The following MTHFD1 variants were observed in gnomAD, a reference collection of about 807,000 sequenced individuals.
MTHFD1 encodes methylenetetrahydrofolate dehydrogenase, cyclohydrolase and formyltetrahydrofolate synthetase 1.
Under a neutral mutation model 110.3 loss-of-function variants are expected in MTHFD1, and 44 were observed. The observed-to-expected ratio is 0.40, with a 90% confidence interval of 0.31 to 0.51. The LOEUF (loss-of-function observed/expected upper bound fraction) is 0.51. MTHFD1 is among the 20% of genes least tolerant of loss of function. The pLI, the probability that MTHFD1 is intolerant of heterozygous loss-of-function variation, is 0.60. For synonymous variants in MTHFD1, 402 were observed against 428.8 expected (o/e 0.94, Z 0.77); for missense variants, 909 against 1,173.1 (o/e 0.77, Z 3.29).
chr14:64,431,347 T>C (rs1405716792), intron 13 of MTHFD1, among the ~76,000 whole-genome samples, 185 bp from the exon 14 acceptor site: 5 of 152,148 alleles, frequency 3.3e-5, no homozygotes, highest in Non-Finnish European at 7.4e-5. Flanking sequence ...ATTATAGTTG[T>C]GAGCTACCAC....
chr14:64,395,748 C>T (rs757140002), intron 1 of MTHFD1, among the ~76,000 whole-genome samples: 29 of 152,002 alleles, frequency 1.9e-4, no homozygotes, highest in South Asian at 4.1e-4. Flanking sequence ...GGACTGGTGC[C>T]GAGCATCCTG....
In MTHFD1 at chr14:64,434,949, C is replaced by CTTTTTTT. The variant is rs374039248; in HGVS notation, c.1495-600_1495-594dup. Among the ~76,000 whole-genome samples the CTTTTTTT allele has an allele frequency of 4.1e-4, 33 of 80,858 alleles. 2 individuals are homozygous for CTTTTTTT. Among genetic ancestry groups the CTTTTTTT allele is most frequent in the Non-Finnish European group, 6.0e-4 (25 of 41,344 alleles). 53.0% of individuals were successfully genotyped at this position (80,858 alleles called of 152,430 possible). A position where few individuals can be genotyped will look rare whatever the true frequency, so the allele number is the denominator to read the frequency against. ...GACTACGTGAAGCTCTCCCTCTTTT[C>CTTTTTTT]TTTTTTTTTTTTTTTTTTTTTTTTT... On this transcript the variant is annotated intron_variant, in intron 15 of 27. Transcript: ENST00000652337.
chr14:64,454,856 T>G lies in MTHFD1; in HGVS notation c.2699T>G (p.Leu900Arg). Residue 900 changes from leucine to arginine, a missense_variant, in exon 26 of 28, where the codon CTG (leucine) becomes CGG (arginine). Around this residue, in one of 3 missense-constraint regions of MTHFD1, gnomAD observed 482 missense variants for 646.0 expected, o/e 0.75. Transcript: ENST00000652337. ...DIRASVGAGF[L>R]YPLVGTMSTM... ...CGCGCCAGCGTTGGGGCTGGTTTTC[T>G]GTACCCCTTAGTAGGAACGGTAAGT... 6.2e-7 allele frequency: 1 copy of G among 1,614,238 alleles called. No homozygotes were observed. Among genetic ancestry groups the G allele is most frequent in the Non-Finnish European group, 8.5e-7 (1 of 1,180,036 alleles).
chr14:64,392,131 G>A (rs897092537), intron 1 of MTHFD1, among the ~76,000 whole-genome samples: 2 of 152,180 alleles, frequency 1.3e-5, no homozygotes, highest in South Asian at 2.1e-4. Flanking sequence ...TGTTGTGAGG[G>A]AAATAGCTCC....
intron 8 of MTHFD1, among the ~76,000 whole-genome samples, chr14:64,423,812 C>T (rs1005605687): frequency 2.6e-5 from 4 of 151,848 alleles, no homozygotes; most frequent in South Asian, 2.1e-4. Context: ...CTGCAAGCTC[C>T]GCCCCCCGGG....
chr14:64,429,716 C>T (rs1044390975), intron 12 of MTHFD1, among the ~76,000 whole-genome samples: 12 of 152,130 alleles, frequency 7.9e-5, no homozygotes, highest in Non-Finnish European at 1.0e-4. Context: ...ATAAGGGATA[C>T]TCAACCTGTA....
chr14:64,430,359 C>T, intron 13 of MTHFD1, 129 bp downstream of exon 13: 2 of 866,348 alleles, frequency 2.3e-6, no homozygotes, highest in South Asian at 2.7e-5. Context: ...AGTGCAATGG[C>T]GCAATCTCGG....
Position 64,459,835 on chromosome 14 carries a change from T to C in MTHFD1, c.*81T>C. The C allele has an allele frequency of 6.5e-7, 1 of 1,535,952 alleles. No homozygotes were observed. Among genetic ancestry groups the C allele is most frequent in the Admixed American group, 2.0e-5 (1 of 51,000 alleles). ...CAGGCCCACTGGGAGTTAGGAAGTATAAGTAAGCCAAGAGAAGTCAGCCCC... is the reference window on the plus strand; with the variant it reads ...CAGGCCCACTGGGAGTTAGGAAGTACAAGTAAGCCAAGAGAAGTCAGCCCC... On this transcript the variant is annotated 3_prime_UTR_variant, in exon 28 of 28. Coordinates refer to ENST00000652337, the MANE Select transcript of MTHFD1 (RefSeq NM_005956.4).
chr14:64,391,903 C>T (rs1438856406), intron 1 of MTHFD1, among the ~76,000 whole-genome samples: 1 of 152,166 alleles, frequency 6.6e-6, no homozygotes, highest in Non-Finnish European at 1.5e-5. Context: ...CAAATCCCTA[C>T]CCTCATGAAA....
At chr14:64,398,633 T>G (rs112651697) in intron 1 of MTHFD1, among the ~76,000 whole-genome samples, 6 of 152,360 alleles carry the variant, frequency 3.9e-5, no homozygotes, top group African/African-American at 1.4e-4. Flanking sequence ...TTCAACATTC[T>G]TGATGTTTAC....
intron 17 of MTHFD1, chr14:64,439,399 G>A: frequency 1.7e-6 from 1 of 582,382 alleles, no homozygotes; most frequent in Non-Finnish European, 3.1e-6. Context: ...TTTCCTGGAG[G>A]TGGAGAGCCC....
intron 18 of MTHFD1, 157 bp from the exon 19 acceptor site, chr14:64,441,228 C>A: frequency 1.3e-6 from 1 of 742,688 alleles, no homozygotes; most frequent in Non-Finnish European, 2.5e-6. Context: ...AACTTCATAG[C>A]ATATCCAGAA....
At chr14:64,457,290 A>G (rs1195456298) in intron 26 of MTHFD1, among the ~76,000 whole-genome samples, 1 of 152,168 alleles carries the variant, frequency 6.6e-6, no homozygotes, top group East Asian at 1.9e-4. Context: ...GGTCTTGCAA[A>G]GCGTGAGCTG....
chr14:64,439,392 CCT>C, intron 17 of MTHFD1: 1 of 586,068 alleles, frequency 1.7e-6, no homozygotes, highest in Non-Finnish European at 3.1e-6. Context: ...GGCATTTTTT[CCT>C]GGAGGTGGAG....
chr14:64,427,597 C>T lies in MTHFD1; in HGVS notation c.1264+124C>T, dbSNP rs961188353. 2.9e-5 allele frequency: 28 copies of T among 969,286 alleles called. No homozygotes were observed. In the Admixed American group the frequency reaches 4.2e-4, roughly 14 times the overall value. 60.0% of individuals were successfully genotyped at this position (969,286 alleles called of 1,614,324 possible). A position where few individuals can be genotyped will look rare whatever the true frequency, so the allele number is the denominator to read the frequency against. On this transcript the variant is annotated intron_variant, in intron 12 of 27. Coordinates refer to ENST00000652337, the MANE Select transcript of MTHFD1 (RefSeq NM_005956.4). ...TCATTTCAACACCAGGAATGTCATT[C>T]TCACAAACCTCTGTAGTCATGCTTT...
In MTHFD1 at chr14:64,459,616, G is replaced by A. The variant is rs562551878; in HGVS notation, c.*5-143G>A. 50 of 669,780 alleles carry A rather than the reference G, an allele frequency of 7.5e-5. No individual in the cohort carries two copies. The South Asian group carries it at 7.5e-4, about 10-fold the overall frequency. 41.5% of individuals were successfully genotyped at this position (669,780 alleles called of 1,614,324 possible). On this transcript the variant is annotated intron_variant, in intron 27 of 27. Transcript: ENST00000652337. ...CATTTTCAAGTCCATTTATGGACAC[G>A]CCCTAGAAGAGCTGGTGGCAGGAAA...
intron 24 of MTHFD1, among the ~76,000 whole-genome samples, chr14:64,453,525 C>T (rs888755189): frequency 1.3e-5 from 2 of 152,074 alleles, no homozygotes; most frequent in Admixed American, 1.3e-4. Flanking sequence ...GAACTGAGAT[C>T]GCGCCATTGC....
At chr14:64,406,264 C>G (rs1207464360) in intron 2 of MTHFD1, among the ~76,000 whole-genome samples, 2 of 151,570 alleles carry the variant, frequency 1.3e-5, no homozygotes, top group Non-Finnish European at 2.9e-5. Flanking sequence ...GTCTTGAACT[C>G]CTGACCTCAG....
chr14:64,455,585 C>A (rs1320468941), intron 26 of MTHFD1, among the ~76,000 whole-genome samples: 1 of 152,138 alleles, frequency 6.6e-6, no homozygotes, highest in Non-Finnish European at 1.5e-5. Context: ...TGCCCTGTAT[C>A]CTGTATCTAC....
Sources: gnomAD v4.1 joint callset for allele counts (sites outside exome capture counted in the v4.1 genomes callset) on GRCh38, gnomAD v4.1.1 for gene constraint, gnomAD v4.1.1 regional missense constraint, MANE v1.5 for transcripts, NCBI Gene and HGNC (gene_info 2026-07-23, HGNC 2026-07-21) for gene names.